CYP2J2: variants seen among roughly 807,000 people sequenced by gnomAD.
The protein encoded by CYP2J2 is cytochrome P450 family 2 subfamily J member 2, also known as cytochrome P450 2J2.
Under a neutral mutation model 48.8 loss-of-function variants are expected in CYP2J2, and 41 were observed. The ratio of observed to expected loss-of-function variants is 0.84; its 90% CI spans 0.66 to 1.09. The LOEUF is 1.09. CYP2J2 is among the 50% of genes least tolerant of loss of function. The probability of loss-of-function intolerance (pLI) is 0.00; values close to 1 mark genes in which losing one functional copy is unlikely to be tolerated. For synonymous variants in CYP2J2, 221 were observed against 227.1 expected (o/e 0.97, Z 0.24); for missense variants, 644 against 617.3 (o/e 1.04, Z -0.46).
chr1:59,896,457 T>C (rs1295761982), intron 8 of CYP2J2, among the ~76,000 whole-genome samples: 1 of 152,018 alleles, frequency 6.6e-6, no homozygotes, highest in African/African-American at 2.4e-5. Flanking sequence ...CATCACAAAG[T>C]TCGATTTTCT....
chr1:59,962,786 C>T, the CYP2J2 span, among the ~76,000 whole-genome samples: 5 of 152,260 alleles, frequency 3.3e-5, no homozygotes, highest in South Asian at 2.1e-4. Flanking sequence ...CAGAACACTA[C>T]GTTGACACTG....
chr1:59,940,320 G>A, the CYP2J2 span, among the ~76,000 whole-genome samples: 1 of 152,118 alleles, frequency 6.6e-6, no homozygotes, highest in African/African-American at 2.4e-5. Flanking sequence ...TTCCTTTCAA[G>A]GCAGCAAGTT....
the CYP2J2 span, among the ~76,000 whole-genome samples, chr1:59,945,001 AT>A: frequency 6.6e-6 from 1 of 151,740 alleles, no homozygotes; most frequent in South Asian, 2.1e-4. Flanking sequence ...TTTTCTTTAC[AT>A]TTTTTCTGGT....
chr1:59,915,952 A>G lies in CYP2J2; in HGVS notation c.359T>C (p.Ile120Thr). Reference protein sequence around the residue: ...NRPVTPMREHIFKKNGLIMSS... With the variant: ...NRPVTPMREHTFKKNGLIMSS... ...AAGAAACTTACCATTTTTCTTAAAG[A>G]TATGTTCTCGCATAGGGGTCACGGG... is the stretch of plus-strand genomic sequence containing the variant. The change falls in exon 2 of 9, where the codon ATC becomes ACC. Residue 120 changes from isoleucine (I) to threonine (T), a missense_variant. By Grantham distance (89) the Ile-to-Thr change is moderately conservative. Transcript: ENST00000371204. 1 of 1,612,010 alleles carries G rather than the reference A, an allele frequency of 6.2e-7. No individual in the cohort carries two copies. The highest frequency in any genetic ancestry group is 1.7e-4 in the Middle Eastern group (1 of 6,044).
intron 1 of CYP2J2, among the ~76,000 whole-genome samples, chr1:59,921,896 C>T (rs1242916963): frequency 6.6e-6 from 1 of 152,148 alleles, no homozygotes; most frequent in Non-Finnish European, 1.5e-5. Flanking sequence ...TCTCTGTATA[C>T]TGTACTTCTG....
intron 7 of CYP2J2, among the ~76,000 whole-genome samples, chr1:59,902,075 A>G (rs1574247676): frequency 6.6e-6 from 1 of 152,036 alleles, no homozygotes; most frequent in South Asian, 2.1e-4. Flanking sequence ...CCATTTTCCT[A>G]CTTAATTCAG....
the CYP2J2 span, among the ~76,000 whole-genome samples, chr1:59,961,273 A>G: frequency 6.6e-6 from 1 of 152,230 alleles, no homozygotes; most frequent in Admixed American, 6.5e-5. Flanking sequence ...GAAGTCACAT[A>G]ACTCAATAAT....
At chr1:59,922,258 T>C (rs1290775513) in intron 1 of CYP2J2, among the ~76,000 whole-genome samples, 1 of 152,238 alleles carries the variant, frequency 6.6e-6, no homozygotes, top group Non-Finnish European at 1.5e-5. Flanking sequence ...ACCCGGGCAG[T>C]TCACTGTTCG....
chr1:59,949,149 C>T, the CYP2J2 span, among the ~76,000 whole-genome samples: 12 of 152,240 alleles, frequency 7.9e-5, no homozygotes, highest in African/African-American at 2.2e-4. Context: ...TCTGTTGTTG[C>T]CTATATTACT....
intron 2 of CYP2J2, chr1:59,912,577 C>T: frequency 3.1e-6 from 1 of 319,434 alleles, no homozygotes; most frequent in Non-Finnish European, 5.7e-6. Flanking sequence ...CAATTATTAC[C>T]ACCCCACACA....
intron 7 of CYP2J2, among the ~76,000 whole-genome samples, chr1:59,901,745 C>G (rs1644321764): frequency 6.6e-6 from 1 of 152,164 alleles, no homozygotes; most frequent in Admixed American, 6.5e-5. Flanking sequence ...CACCTCCATT[C>G]CATGTCCACC....
chr1:59,901,030 T>G lies in CYP2J2; in HGVS notation c.1265A>C (p.Asn422Thr). The G allele has an allele frequency of 6.2e-7, 1 of 1,614,136 alleles. No individual in the cohort carries two copies. The highest frequency in any genetic ancestry group is 1.6e-4 in the Middle Eastern group (1 of 6,062). ...PTEWATPDTF[N>T]PDHFLENGQF... is the part of the protein sequence containing the mutation. ...TCCATTCTCCAGAAAATGGTCCGGA[T>G]TGAATGTGTCAGGGGTGGCCCACTC... Residue 422 changes from asparagine to threonine, a missense_variant, in exon 8 of 9, where the codon AAT becomes ACT. Transcript: ENST00000371204.
chr1:59,935,025 T>TATATATATATATAC, the CYP2J2 span, among the ~76,000 whole-genome samples: 7 of 85,838 alleles, frequency 8.2e-5, no homozygotes, highest in Non-Finnish European at 1.3e-4. Context: ...CATATATATA[T>TATATATATATATAC]ATATATATAT....
At chr1:59,912,386 G>A (rs1644425914) in intron 2 of CYP2J2, 75 bp from the exon 3 acceptor site, 1 of 1,474,834 alleles carries the variant, frequency 6.8e-7, no homozygotes, top group South Asian at 1.3e-5. Context: ...ATGGGAATGT[G>A]TATCAGATGA....
the CYP2J2 span, among the ~76,000 whole-genome samples, chr1:59,968,596 G>A: frequency 6.6e-6 from 1 of 152,358 alleles, no homozygotes; most frequent in African/African-American, 2.4e-5. Flanking sequence ...TCCCAGTTCC[G>A]TTAATCACCA....
intron 5 of CYP2J2, among the ~76,000 whole-genome samples, chr1:59,909,326 T>C (rs575160022): frequency 3.9e-5 from 6 of 152,278 alleles, no homozygotes; most frequent in Non-Finnish European, 2.9e-5. Context: ...GCAGATGTGG[T>C]TAAGGATTTT....
rs1257828235 is a variant in CYP2J2 at position 59,926,761 on chromosome 1, C to T, written c.-15G>A. 1.2e-6 allele frequency: 2 copies of T among 1,604,946 alleles called. No homozygotes were observed. The highest frequency in any genetic ancestry group is 1.7e-6 in the Non-Finnish European group (2 of 1,175,304). ...GCCGCGAGCATGGCTCAGACGTCCTCCTGCTCTTCTGCGGTCCAAGCAGGC... is the reference window on the plus strand; with the variant it reads ...GCCGCGAGCATGGCTCAGACGTCCTTCTGCTCTTCTGCGGTCCAAGCAGGC... On this transcript the variant is annotated 5_prime_UTR_variant, in exon 1 of 9. Transcript: ENST00000371204.
chr1:59,901,722 T>C (rs750842157), intron 7 of CYP2J2, among the ~76,000 whole-genome samples: 2 of 152,124 alleles, frequency 1.3e-5, no homozygotes, highest in Non-Finnish European at 2.9e-5. Context: ...GTGAGACTGG[T>C]CAATTTTACT....
At chr1:59,905,134 G>T in intron 6 of CYP2J2, 76 bp from the exon 7 acceptor site, 1 of 1,408,406 alleles carries the variant, frequency 7.1e-7, no homozygotes, top group Non-Finnish European at 9.7e-7. Flanking sequence ...TGGTCTCCAA[G>T]ATGTCATCTG....
Sources: gnomAD v4.1 joint callset for allele counts (sites outside exome capture counted in the v4.1 genomes callset) on GRCh38, gnomAD v4.1.1 for gene constraint, MANE v1.5 for transcripts, NCBI Gene and HGNC (gene_info 2026-07-23, HGNC 2026-07-21) for gene names.